HADHB: variants seen among roughly 807,000 people sequenced by gnomAD.
HADHB encodes hydroxyacyl-CoA dehydrogenase trifunctional multienzyme complex subunit beta, also known as trifunctional enzyme subunit beta, mitochondrial.
In HADHB, 50 loss-of-function variants were observed where a neutral mutation model predicts 61.9. The observed-to-expected ratio is 0.81, with a 90% CI of 0.64 to 1.02. The LOEUF is 1.02. HADHB is among the 50% of genes least tolerant of loss of function. The pLI is 0.00. For missense variants in HADHB, 504 were observed against 586.5 expected (o/e 0.86, Z 1.45); for synonymous variants, 191 against 201.6 (o/e 0.95, Z 0.45).
intron 3 of HADHB, among the ~76,000 whole-genome samples, chr2:26,257,523 CCT>C (rs1254986440): frequency 6.6e-6 from 1 of 152,064 alleles, no homozygotes; most frequent in Admixed American, 6.6e-5. Context: ...TCAGGAAAAA[CCT>C]CTGTCTCCTC....
chr2:26,251,070 TA>T (rs1330393585), intron 1 of HADHB, among the ~76,000 whole-genome samples: 5 of 151,254 alleles, frequency 3.3e-5, no homozygotes, highest in Non-Finnish European at 5.9e-5. Context: ...TATTATACAC[TA>T]AATTCTTACA....
At chr2:26,266,074 G>A (rs1672062935) in intron 4 of HADHB, among the ~76,000 whole-genome samples, 2 of 150,230 alleles carry the variant, frequency 1.3e-5, no homozygotes, top group African/African-American at 4.9e-5. Context: ...CTACCTCCCA[G>A]TCCTATCTCT....
intron 7 of HADHB, among the ~76,000 whole-genome samples, chr2:26,277,937 AT>A (rs1291986636): frequency 3.3e-5 from 5 of 152,194 alleles, no homozygotes. Flanking sequence ...CATCCTTGTC[AT>A]TTTTATAAAT....
At chr2:26,286,765 C>T (rs1673049370) in intron 15 of HADHB, among the ~76,000 whole-genome samples, 1 of 149,858 alleles carries the variant, frequency 6.7e-6, no homozygotes, top group Admixed American at 6.6e-5. Context: ...CTCAGCCTCC[C>T]AAAGTGCTGG....
chr2:26,246,688 T>G (rs1421793063), intron 1 of HADHB, among the ~76,000 whole-genome samples: 1 of 152,058 alleles, frequency 6.6e-6, no homozygotes, highest in Non-Finnish European at 1.5e-5. Flanking sequence ...TAGAGGCCCG[T>G]GTGTTGTAGT....
At chr2:26,271,391 C>G (rs1353653019) in intron 5 of HADHB, among the ~76,000 whole-genome samples, 1 of 152,008 alleles carries the variant, frequency 6.6e-6, no homozygotes, top group African/African-American at 2.4e-5. Flanking sequence ...CCTGTAATGC[C>G]AGCTACTTGG....
chr2:26,277,809 C>T (rs1038660657), intron 7 of HADHB, among the ~76,000 whole-genome samples: 1 of 152,170 alleles, frequency 6.6e-6, no homozygotes, highest in Non-Finnish European at 1.5e-5. Flanking sequence ...AGGCTTTCAA[C>T]CTAGGTGCTT....
intron 1 of HADHB, among the ~76,000 whole-genome samples, chr2:26,246,457 A>G (rs1671165336): frequency 6.6e-6 from 1 of 151,190 alleles, no homozygotes; most frequent in African/African-American, 2.4e-5. Context: ...CTCCTGCCTC[A>G]GGCTCCCGAG....
chr2:26,275,594 C>T (rs576690217), intron 6 of HADHB, among the ~76,000 whole-genome samples: 40 of 152,316 alleles, frequency 2.6e-4, no homozygotes, highest in Non-Finnish European at 5.4e-4. Flanking sequence ...TACACTTGCC[C>T]TTTGCAGAGC....
chr2:26,285,038 T>C, intron 14 of HADHB, 81 bp downstream of exon 14: 1 of 795,256 alleles, frequency 1.3e-6, no homozygotes, highest in Non-Finnish European at 2.3e-6. Context: ...CTTAAGAATA[T>C]GAAGGGAAAG....
chr2:26,260,736 GA>G, intron 3 of HADHB: 2 of 431,118 alleles, frequency 4.6e-6, no homozygotes, highest in Non-Finnish European at 4.2e-6. Flanking sequence ...ACTACAGCTG[GA>G]AAGGTGTTAG....
rs1297095534 is a variant in HADHB at position 26,289,916 on chromosome 2, A to G, written c.1390-2A>G. ...TCTAATTGGACTTTGTTTTCTTTAC[A>G]GGGCCATGCTATGATAGTGGAAGCT... On this transcript the variant is annotated splice_acceptor_variant, in intron 15 of 15. Coordinates refer to ENST00000317799, the MANE Select transcript of HADHB (RefSeq NM_000183.3). LOFTEE classifies it high-confidence loss of function. 3 of 1,603,872 alleles carry G rather than the reference A, an allele frequency of 1.9e-6. No individual in the cohort carries two copies. The African/African-American group carries it at 4.0e-5, about 21-fold the overall frequency.
chr2:26,267,721 G>A (rs531242816), intron 4 of HADHB, among the ~76,000 whole-genome samples: 9 of 144,098 alleles, frequency 6.2e-5, no homozygotes, highest in East Asian at 2.1e-4. Flanking sequence ...GCGGTGAGCC[G>A]ACATCGTGCC....
Position 26,263,440 on chromosome 2 carries a change from T to C in HADHB, c.170T>C (p.Val57Ala), listed in dbSNP as rs1252585564. ...AKPNIRNVVV[V>A]DGVRTPFLLS... ...CCCAATATAAGGAATGTTGTGGTGG[T>C]GGATGGTGTTCGCACTCCATTTTTG... Residue 57 changes from valine to alanine, a missense_variant, in exon 4 of 16, where the codon GTG (valine) becomes GCG (alanine). Physicochemically the swap from Val to Ala is moderately conservative, Grantham distance 64 (BLOSUM62 0). Transcript: ENST00000317799. The C allele has an allele frequency of 6.2e-7, 1 of 1,612,856 alleles. No individual in the cohort carries two copies. The highest frequency in any genetic ancestry group is 1.3e-5 in the African/African-American group (1 of 74,902).
chr2:26,271,514 T>C (rs1186452404), intron 5 of HADHB, among the ~76,000 whole-genome samples: 2 of 151,752 alleles, frequency 1.3e-5, no homozygotes, highest in Non-Finnish European at 2.9e-5. Flanking sequence ...TCTCAAAAAA[T>C]AAAAATAAAA....
intron 6 of HADHB, among the ~76,000 whole-genome samples, chr2:26,275,403 C>T (rs1468495693): frequency 1.3e-5 from 2 of 152,162 alleles, no homozygotes; most frequent in African/African-American, 4.8e-5. Flanking sequence ...AGACATCTTC[C>T]TCCTTTTCCC....
At chr2:26,288,303 TAAGC>T (rs754267827) in intron 15 of HADHB, among the ~76,000 whole-genome samples, 13 of 151,354 alleles carry the variant, frequency 8.6e-5, no homozygotes, top group African/African-American at 1.7e-4. Flanking sequence ...AAAAATAAAA[TAAGC>T]AAGCCAGAGA....
At chr2:26,245,272 G>C in intron 1 of HADHB, 1 of 167,066 alleles carries the variant, frequency 6.0e-6, no homozygotes, top group Non-Finnish European at 1.3e-5. Flanking sequence ...GGGTGTGTGT[G>C]TGTGTGTGGG....
At chr2:26,275,557 G>A (rs1232099472) in intron 6 of HADHB, among the ~76,000 whole-genome samples, 3 of 152,130 alleles carry the variant, frequency 2.0e-5, no homozygotes, top group Non-Finnish European at 2.9e-5. Context: ...TGTGAGAATC[G>A]AGCCATTGCA....
Sources: gnomAD v4.1 joint callset for allele counts (sites outside exome capture counted in the v4.1 genomes callset) on GRCh38, gnomAD v4.1.1 for gene constraint, MANE v1.5 for transcripts, NCBI Gene and HGNC (gene_info 2026-07-23, HGNC 2026-07-21) for gene names.